ATAD2B: variants seen among roughly 807,000 people sequenced by gnomAD.
ATAD2B encodes ATPase family AAA domain containing 2B, also known as ATPase family AAA domain-containing protein 2B.
A neutral mutation model predicts 167.6 loss-of-function variants in ATAD2B; 40 were observed. The ratio of observed to expected loss-of-function variants is 0.24; its 90% CI spans 0.19 to 0.31. The LOEUF is 0.31. Ranked by LOEUF, ATAD2B falls within the 10% of genes least tolerant of loss-of-function variation. ATAD2B has a pLI of 1.00. For missense variants in ATAD2B, 1,242 were observed against 1,757.2 expected, an observed-to-expected ratio of 0.71 and a Z score of 5.24; for synonymous variants, 579 against 596.5, an observed-to-expected ratio of 0.97 and a Z score of 0.43.
At chr2:23,869,213 C>T (rs1478623025) in intron 9 of ATAD2B, among the ~76,000 whole-genome samples, 1 of 152,188 alleles carries the variant, frequency 6.6e-6, no homozygotes, top group Non-Finnish European at 1.5e-5. Context: ...TCACCAGAGG[C>T]ACTTGTTCAA....
the ATAD2B span, chr2:23,708,084 T>C: frequency 6.6e-6 from 1 of 152,200 alleles, no homozygotes. Flanking sequence ...CATCGTTTCA[T>C]GATAACAACC....
chr2:23,743,142 A>C, the ATAD2B span, among the ~76,000 whole-genome samples: 9 of 93,092 alleles, frequency 9.7e-5, no homozygotes, highest in East Asian at 2.5e-4. Flanking sequence ...ATGTTCGCCC[A>C]AAAAAAAAAA....
the ATAD2B span, among the ~76,000 whole-genome samples, chr2:23,730,462 C>A: frequency 3.3e-5 from 5 of 151,446 alleles, 1 homozygote; most frequent in African/African-American, 4.8e-5. Flanking sequence ...GTCAGGAGAT[C>A]GAGACCATCC....
intron 12 of ATAD2B, 28 bp from the exon 13 acceptor site, chr2:23,857,531 ATTGT>A (rs1693611060): frequency 9.3e-7 from 1 of 1,074,648 alleles, no homozygotes; most frequent in Admixed American, 3.7e-5. Flanking sequence ...AATAATATTT[ATTGT>A]ATTTGTTTTC....
At chr2:23,874,286 C>T (rs1696464970) in intron 8 of ATAD2B, among the ~76,000 whole-genome samples, 2 of 151,890 alleles carry the variant, frequency 1.3e-5, no homozygotes, top group Middle Eastern at 3.4e-3. Flanking sequence ...AAGACCTAAA[C>T]ATAACAGCTA....
chr2:23,914,600 TA>T (rs1702766434), intron 1 of ATAD2B, among the ~76,000 whole-genome samples: 1 of 151,854 alleles, frequency 6.6e-6, no homozygotes, highest in Admixed American at 6.6e-5. Context: ...AGCACTTTGG[TA>T]GGCCGAGGCA....
chr2:23,883,765 T>C, intron 6 of ATAD2B: 1 of 333,834 alleles, frequency 3.0e-6, no homozygotes, highest in South Asian at 2.9e-5. Context: ...ACTACACAAA[T>C]AATGGGAACT....
chr2:23,793,506 A>G (rs1309623457), intron 19 of ATAD2B, among the ~76,000 whole-genome samples: 1 of 152,198 alleles, frequency 6.6e-6, no homozygotes, highest in Non-Finnish European at 1.5e-5. Flanking sequence ...ATCTCAAATA[A>G]AATTCTCCAA....
chr2:23,788,411 T>C (rs557612963), intron 20 of ATAD2B, 101 bp downstream of exon 20: 5 of 1,287,392 alleles, frequency 3.9e-6, no homozygotes, highest in Non-Finnish European at 5.4e-6. Context: ...TGACAAACTG[T>C]CCTCACTTCC....
chr2:23,745,415 A>AGAAAGGAAAG (rs1558476173), downstream of ATAD2B, among the ~76,000 whole-genome samples: 12 of 96,126 alleles, frequency 1.2e-4, no homozygotes, highest in South Asian at 3.7e-4. Context: ...GAAGGAAGGA[A>AGAAAGGAAAG]GGAAGGAAAG....
At chr2:23,866,713 C>A (rs568895646) in intron 10 of ATAD2B, among the ~76,000 whole-genome samples, 19 of 152,078 alleles carry the variant, frequency 1.2e-4, no homozygotes, top group Non-Finnish European at 2.9e-5. Flanking sequence ...GCATTTTCCT[C>A]TATGACTTCA....
chr2:23,766,475 T>A lies in ATAD2B; in HGVS notation c.3134-847A>T, dbSNP rs556490517. Reference sequence around the variant, plus strand: ...AAGTTACAGAGACACTTTATAACTTTTCTGATTTGAAAGTTATTATGGCTC... The same window carrying A: ...AAGTTACAGAGACACTTTATAACTTATCTGATTTGAAAGTTATTATGGCTC... On this transcript the variant is annotated intron_variant, in intron 22 of 27. Transcript: ENST00000238789. Among the ~76,000 whole-genome samples, 10 of 152,358 alleles carry A rather than the reference T, an allele frequency of 6.6e-5. No homozygotes were observed. The East Asian group carries it at 1.9e-3, about 29-fold the overall frequency.
chr2:23,700,312 T>TTTAA, the ATAD2B span, among the ~76,000 whole-genome samples: 2 of 152,222 alleles, frequency 1.3e-5, no homozygotes, highest in Non-Finnish European at 2.9e-5. The surrounding 1 kb of genome is among the most constrained non-coding windows in gnomAD (Gnocchi z 4.6). Context: ...TTTAACAATT[T>TTTAA]TTAATTATTA....
rs572061183 is a variant in ATAD2B at position 23,841,098 on chromosome 2, A to ATT, written c.1569-7022_1569-7021dup. 4.3e-3 allele frequency among the ~76,000 whole-genome samples: 500 copies of ATT among 117,190 alleles called. 4 individuals are homozygous for ATT. The highest frequency in any genetic ancestry group is 5.4e-3 in the Non-Finnish European group (307 of 56,406). The allele number at this position is 117,190 out of a possible 152,430, so 76.9% of individuals were successfully genotyped here. A position where few individuals can be genotyped will look rare whatever the true frequency, so the allele number is the denominator to read the frequency against. On this transcript the variant is annotated intron_variant, in intron 13 of 27. Transcript: ENST00000238789. ...CAGGCATGCACTATCATGCATGGCT[A>ATT]TTTTTTTTTTTTTTTTTTTTTGTAC...
At chr2:23,908,737 CA>C (rs1701830969) in intron 1 of ATAD2B, among the ~76,000 whole-genome samples, 1 of 151,924 alleles carries the variant, frequency 6.6e-6, no homozygotes, top group East Asian at 1.9e-4. Flanking sequence ...GGAACCAACC[CA>C]AATGTCCAAC....
intron 10 of ATAD2B, among the ~76,000 whole-genome samples, chr2:23,865,567 T>C (rs1345446411): frequency 6.6e-6 from 1 of 151,454 alleles, no homozygotes; most frequent in Non-Finnish European, 1.5e-5. Flanking sequence ...TTTAAAAATA[T>C]ATAATTATTT....
intron 22 of ATAD2B, among the ~76,000 whole-genome samples, chr2:23,766,942 G>C (rs1235973860): frequency 6.6e-6 from 1 of 150,854 alleles, no homozygotes. Flanking sequence ...AACAACTAGT[G>C]CAGGTTCAGA....
intron 1 of ATAD2B, among the ~76,000 whole-genome samples, chr2:23,912,328 G>C (rs1025758250): frequency 1.3e-5 from 2 of 152,030 alleles, no homozygotes; most frequent in African/African-American, 4.8e-5. Flanking sequence ...GAGATAACAA[G>C]ACCCTTTCTA....
downstream of ATAD2B, among the ~76,000 whole-genome samples, chr2:23,744,024 C>T (rs1674660355): frequency 1.3e-5 from 2 of 152,130 alleles, no homozygotes; most frequent in East Asian, 3.8e-4. Context: ...CTAAATAGTT[C>T]CACTGTCAAT....
Sources: gnomAD v4.1 joint callset for allele counts (sites outside exome capture counted in the v4.1 genomes callset) on GRCh38, gnomAD v4.1.1 for gene constraint, Gnocchi (gnomAD v3.1) non-coding constraint, MANE v1.5 for transcripts, NCBI Gene and HGNC (gene_info 2026-07-23, HGNC 2026-07-21) for gene names.